The following GREM2 variants were observed in gnomAD, a reference collection of about 807,000 sequenced individuals.
GREM2 encodes the protein gremlin 2, DAN family BMP antagonist, also known as gremlin-2.
GREM2 carries 11 observed loss-of-function variants against 14.2 expected under a neutral mutation model. That is an observed-to-expected ratio of 0.78 (90% CI 0.49 to 1.28). The LOEUF is 1.28. Among genes scored for constraint, GREM2 ranks in the 50% most tolerant of loss-of-function variants. The pLI is 0.00. For missense variants in GREM2, 210 were observed against 218.5 expected (o/e 0.96, Z 0.24); for synonymous variants, 98 against 97.6 (o/e 1.00, Z -0.02).
chr1:240,494,762 G>T (rs1213755943), intron 1 of GREM2, among the ~76,000 whole-genome samples: 1 of 152,064 alleles, frequency 6.6e-6, no homozygotes, highest in Non-Finnish European at 1.5e-5. Flanking sequence ...TTAGCCAGGC[G>T]TGGTGGCGGG....
chr1:240,540,893 A>C lies in GREM2; in HGVS notation c.-1-47417T>G, dbSNP rs1307322429. Among the ~76,000 whole-genome samples the C allele has an allele frequency of 6.6e-6, 1 of 152,116 alleles. No homozygotes were observed. Among genetic ancestry groups the C allele is most frequent in the East Asian group, 1.9e-4 (1 of 5,168 alleles). On this transcript the variant is annotated intron_variant, in intron 1 of 1. Transcript: ENST00000318160. The surrounding 1 kb of genome is among the most constrained non-coding windows in gnomAD (Gnocchi z 4.2). The stretch of plus-strand genomic sequence containing the variant: ...ACTTCTTAAAAGAAGACAGTTACTA[A>C]GGAGAGAGATGGCACTCATCAATCA...
intron 1 of GREM2, among the ~76,000 whole-genome samples, chr1:240,569,394 T>C (rs1679219990): frequency 6.6e-6 from 1 of 152,186 alleles, no homozygotes; most frequent in African/African-American, 2.4e-5. Context: ...CCAAAAACTA[T>C]TTTGAAAAAG....
In GREM2 at chr1:240,609,871, G is replaced by A. The variant is rs1571957736; in HGVS notation, c.-2+2013C>T. Among the ~76,000 whole-genome samples the A allele has an allele frequency of 3.9e-5, 6 of 152,014 alleles. No homozygotes were observed. The South Asian group carries it at 1.2e-3, about 32-fold the overall frequency. ...AAAGAGATTTAAAGGCATGTACCTTGTTTAAACTTTACCAAACTTATAACT... is the reference window on the plus strand; with the variant it reads ...AAAGAGATTTAAAGGCATGTACCTTATTTAAACTTTACCAAACTTATAACT... On this transcript the variant is annotated intron_variant, in intron 1 of 1. Coordinates refer to ENST00000318160, the MANE Select transcript of GREM2 (RefSeq NM_022469.4).
intron 1 of GREM2, among the ~76,000 whole-genome samples, chr1:240,583,742 C>G (rs1215729910): frequency 6.6e-6 from 1 of 152,098 alleles, no homozygotes; most frequent in Non-Finnish European, 1.5e-5. Context: ...GCTGGGACTA[C>G]AGGCATGCGC....
chr1:240,498,108 C>T (rs1377460970), intron 1 of GREM2, among the ~76,000 whole-genome samples: 2 of 152,162 alleles, frequency 1.3e-5, no homozygotes, highest in Non-Finnish European at 2.9e-5. Flanking sequence ...ACAGAGCTGA[C>T]AGAGCTAAAT....
At chr1:240,496,516 G>A (rs560728062) in intron 1 of GREM2, among the ~76,000 whole-genome samples, 2 of 152,302 alleles carry the variant, frequency 1.3e-5, no homozygotes, top group East Asian at 3.9e-4. Context: ...CATCGTGGAC[G>A]TCACCGTCTC....
In GREM2 at chr1:240,492,718, T is replaced by C. The variant is rs574507300; in HGVS notation, c.*251A>G. 5.6e-4 allele frequency: 172 copies of C among 306,662 alleles called. No individual in the cohort carries two copies. Among genetic ancestry groups the C allele is most frequent in the African/African-American group, 3.5e-3 (162 of 45,876 alleles). The allele number at this position is 306,662 out of a possible 1,614,324, so 19.0% of individuals were successfully genotyped here. ...CGGTGGTGGTTTTCCAGCATTTTCC[T>C]TCGGGCCTGATCCACCGCCTGGTTT... On this transcript the variant is annotated 3_prime_UTR_variant, in exon 2 of 2. Coordinates refer to ENST00000318160, the MANE Select transcript of GREM2 (RefSeq NM_022469.4).
At chr1:240,505,944 C>A (rs2103283175) in intron 1 of GREM2, among the ~76,000 whole-genome samples, 1 of 151,918 alleles carries the variant, frequency 6.6e-6, no homozygotes, top group South Asian at 2.1e-4. Flanking sequence ...TATTTATATT[C>A]CTCTGGAGAC....
chr1:240,527,617 G>A (rs1312103258), intron 1 of GREM2, among the ~76,000 whole-genome samples: 1 of 152,136 alleles, frequency 6.6e-6, no homozygotes, highest in Non-Finnish European at 1.5e-5. Context: ...AGACAGAAAA[G>A]GAAGAAGGAA....
intron 1 of GREM2, 148 bp from the exon 2 acceptor site, chr1:240,493,624 T>G: frequency 1.1e-6 from 1 of 903,928 alleles, no homozygotes; most frequent in Non-Finnish European, 1.6e-6. Context: ...AGGCTCAAAC[T>G]CTGGGATCCT....
chr1:240,494,873 C>G (rs1260692014), intron 1 of GREM2, among the ~76,000 whole-genome samples: 2 of 151,964 alleles, frequency 1.3e-5, no homozygotes, highest in Admixed American at 6.6e-5. Flanking sequence ...TGTATTCCAG[C>G]CTGTGCGACA....
intron 1 of GREM2, among the ~76,000 whole-genome samples, chr1:240,574,587 T>C (rs995334742): frequency 1.3e-5 from 2 of 152,058 alleles, no homozygotes; most frequent in Non-Finnish European, 2.9e-5. Context: ...TTAAGTAAAC[T>C]TAAAGGAGCT....
chr1:240,531,705 T>TTC, intron 1 of GREM2: 1 of 900,352 alleles, frequency 1.1e-6, no homozygotes, highest in Non-Finnish European at 1.3e-6. Context: ...TTCTTTTCTT[T>TTC]TTCTTCTTCT....
At chr1:240,505,070 T>A (rs1472130550) in intron 1 of GREM2, among the ~76,000 whole-genome samples, 1 of 152,154 alleles carries the variant, frequency 6.6e-6, no homozygotes, top group Non-Finnish European at 1.5e-5. Flanking sequence ...GTGCTCATGA[T>A]AGAGATGTCA....
chr1:240,523,764 A>G (rs529161704), intron 1 of GREM2, among the ~76,000 whole-genome samples: 2 of 152,306 alleles, frequency 1.3e-5, no homozygotes, highest in African/African-American at 4.8e-5. Flanking sequence ...TACCTTTAAT[A>G]TAAACTCCTA....
At position 240,503,416 on chromosome 1, in the gene GREM2, A is replaced by G. The variant is rs554575526; in HGVS notation, c.-1-9940T>C. On this transcript the variant is annotated intron_variant, in intron 1 of 1. Coordinates refer to ENST00000318160, the MANE Select transcript of GREM2 (RefSeq NM_022469.4). ...CTTCTCCCTTCAGATTCACACTCTCAGATCCATCTTCTCAGCTCCTATCAG... is the reference window on the plus strand; with the variant it reads ...CTTCTCCCTTCAGATTCACACTCTCGGATCCATCTTCTCAGCTCCTATCAG... Among the ~76,000 whole-genome samples the G allele has an allele frequency of 8.5e-5, 13 of 152,292 alleles. No individual in the cohort carries two copies. In the South Asian group the frequency reaches 2.3e-3, roughly 27 times the overall value.
At chr1:240,550,274 G>A (rs1038810849) in intron 1 of GREM2, 1 of 152,130 alleles carries the variant, frequency 6.6e-6, no homozygotes, top group Non-Finnish European at 1.5e-5. Context: ...CACCCGCCTC[G>A]GCCTCCCAAA....
At chr1:240,538,640 T>C (rs757828454) in intron 1 of GREM2, among the ~76,000 whole-genome samples, 10 of 151,970 alleles carry the variant, frequency 6.6e-5, no homozygotes, top group Admixed American at 2.6e-4. Context: ...ATCACTTGAG[T>C]TCAGGAGGCG....
At chr1:240,499,137 A>C (rs1677506918) in intron 1 of GREM2, among the ~76,000 whole-genome samples, 1 of 152,258 alleles carries the variant, frequency 6.6e-6, no homozygotes, top group South Asian at 2.1e-4. Flanking sequence ...GGGGTTCTAC[A>C]ACAGGAGCTT....
Sources: gnomAD v4.1 joint callset for allele counts (sites outside exome capture counted in the v4.1 genomes callset) on GRCh38, gnomAD v4.1.1 for gene constraint, Gnocchi (gnomAD v3.1) non-coding constraint, MANE v1.5 for transcripts, NCBI Gene and HGNC (gene_info 2026-07-23, HGNC 2026-07-21) for gene names.